The following GHDC variants were observed in gnomAD, a reference collection of about 807,000 sequenced individuals.
GHDC encodes GH3 domain-containing protein.
In GHDC, 39 loss-of-function variants were observed where a neutral mutation model predicts 51.5. The observed-to-expected ratio is 0.76, with a 90% confidence interval of 0.59 to 0.99. The LOEUF is 0.99. GHDC is among the 50% of genes least tolerant of loss of function. The pLI is 0.00. For synonymous variants in GHDC, 282 were observed against 305.2 expected, an observed-to-expected ratio of 0.92 and a Z score of 0.79; for missense variants, 610 against 672.8, an observed-to-expected ratio of 0.91 and a Z score of 1.03.
Position 42,192,357 on chromosome 17 carries a change from T to C in GHDC, c.773A>G (p.Lys258Arg), listed in dbSNP as rs754015568. ...ATCCAGAGTCACCACCACCTGCAGC[T>C]TTGGCCAGAGCCGAAGGGCCAGTCC... ...PRGLALRLWP[K>R]LQVVVTLDAG... Residue 258 changes from lysine (K) to arginine (R), a missense_variant, in exon 5 of 10, where the codon AAG (lysine) becomes AGG (arginine). Lys to Arg is a conservative substitution (Grantham distance 26, BLOSUM62 2). Transcript: ENST00000587427. 1.2e-6 allele frequency: 2 copies of C among 1,613,070 alleles called. No individual in the cohort carries two copies. Among genetic ancestry groups the C allele is most frequent in the Admixed American group, 3.3e-5 (2 of 59,996 alleles).
At position 42,193,909 on chromosome 17, in the gene GHDC, G is replaced by A. The variant is rs182920743; in HGVS notation, c.-97-59C>T. ...TTCAGAAGGTAGGGGTGGGCCGGGTGAGGTGGCTATCATCTGTAATCCCAG... is the reference window on the plus strand; with the variant it reads ...TTCAGAAGGTAGGGGTGGGCCGGGTAAGGTGGCTATCATCTGTAATCCCAG... On this transcript the variant is annotated intron_variant, in intron 1 of 9. Coordinates refer to ENST00000587427, the MANE Select transcript of GHDC (RefSeq NM_032484.5). 7 of 343,438 alleles carry A rather than the reference G, an allele frequency of 2.0e-5. No individual in the cohort carries two copies. The East Asian group carries it at 3.5e-4, about 17-fold the overall frequency. The allele number at this position is 343,438 out of a possible 1,614,324, so 21.3% of individuals were successfully genotyped here. A position where few individuals can be genotyped will look rare whatever the true frequency, so the allele number is the denominator to read the frequency against.
rs1232473003 is a variant in GHDC at position 42,190,410 on chromosome 17, G to A, written c.1289-140C>T. ...TTCTTGGTGGGGAGTGGGGTAAATG[G>A]AGAGGAACCTAGAGCTTGATCCTAA... On this transcript the variant is annotated intron_variant, in intron 8 of 9. Transcript: ENST00000587427. The A allele has an allele frequency of 2.0e-6, 3 of 1,537,358 alleles. No homozygotes were observed. The African/African-American group carries it at 4.1e-5, about 21-fold the overall frequency.
intron 8 of GHDC, 176 bp from the exon 9 acceptor site, chr17:42,190,446 G>A: frequency 1.4e-6 from 2 of 1,453,674 alleles, no homozygotes; most frequent in Non-Finnish European, 1.8e-6. Flanking sequence ...ATAGGAGACA[G>A]ATCAGGAAAG....
rs756933638 is a variant in GHDC at position 42,192,952 on chromosome 17, G to A, written c.341C>T (p.Pro114Leu). Reference protein sequence around the residue: ...QTQQEDSGEQPLPPTSNQDLG... With the variant: ...QTQQEDSGEQLLPPTSNQDLG... ...GTCCTGGTTTGAGGTCGGGGGCAGT[G>A]GCTGCTCTCCACTGTCTTCCTGCTG... Residue 114 changes from proline (P) to leucine (L), a missense_variant, in exon 4 of 10, where the codon CCA (proline) becomes CTA (leucine). Physicochemically the swap from Pro to Leu is moderately conservative, Grantham distance 98 (BLOSUM62 -3). This residue lies in a region of GHDC where 198 missense variants were observed against 262.3 expected (regional missense o/e 0.75). Transcript: ENST00000587427. 1 of 1,614,006 alleles carries A rather than the reference G, an allele frequency of 6.2e-7. No homozygotes were observed.
Position 42,191,096 on chromosome 17 carries a change from G to T in GHDC, c.1004C>A (p.Ala335Asp). 1 of 1,575,402 alleles carries T rather than the reference G, an allele frequency of 6.3e-7. No homozygotes were observed. The highest frequency in any genetic ancestry group is 8.6e-7 in the Non-Finnish European group (1 of 1,163,958). Reference sequence around the variant, plus strand: ...GGCCTCGGCCAAAAGGAGGGTGGAGGCAGCTTCCTCCTGGGTGCCTTCCTT... The same window carrying T: ...GGCCTCGGCCAAAAGGAGGGTGGAGTCAGCTTCCTCCTGGGTGCCTTCCTT... ...PVKEGTQEEAASTLLLAEAQQ... is the reference protein window; with the variant it reads ...PVKEGTQEEADSTLLLAEAQQ... The change falls in exon 6 of 10, where the codon GCC becomes GAC. Residue 335 changes from alanine to aspartate, a missense_variant. Physicochemically the swap from Ala to Asp is moderately radical, Grantham distance 126. Around this residue, in one of 2 missense-constraint regions of GHDC, gnomAD observed 412 missense variants for 410.4 expected, o/e 1.00. Transcript: ENST00000587427.
At chr17:42,192,841 C>T in intron 4 of GHDC, 65 bp downstream of exon 4, 1 of 1,578,302 alleles carries the variant, frequency 6.3e-7, no homozygotes, top group Non-Finnish European at 8.6e-7. Flanking sequence ...GGTTTGGCTG[C>T]AAGTCAGAGG....
rs2079953121 is a variant in GHDC, at chr17:42,189,779, G to C, written c.1517C>G (p.Pro506Arg). 1 of 1,544,126 alleles carries C rather than the reference G, an allele frequency of 6.5e-7. No homozygotes were observed. Among genetic ancestry groups the C allele is most frequent in the Non-Finnish European group, 8.7e-7 (1 of 1,145,012 alleles). Residue 506 changes from proline (P) to arginine (R), a missense_variant, in exon 10 of 10, where the codon CCC becomes CGC. By Grantham distance (103) the Pro-to-Arg change is moderately radical. Around this residue, in one of 2 missense-constraint regions of GHDC, gnomAD observed 412 missense variants for 410.4 expected, o/e 1.00. Transcript: ENST00000587427. ...RAALAACPSSPFPPAMPRVLR... is the reference protein window; with the variant it reads ...RAALAACPSSRFPPAMPRVLR... ...GACCCGGGGCATCGCAGGGGGGAAG[G>C]GGGAGGAGGGGCAGGCAGCGAGGGC...
Position 42,192,604 on chromosome 17 carries a change from T to A in GHDC, c.526A>T (p.Thr176Ser), listed in dbSNP as rs1181145080. ...WPGNTLGQVG[T>S]PGTKDPRALL... ...GCCCTAGGGTCCTTGGTTCCAGGGG[T>A]GCCCACCTGGCCCAGGGTATTCCCA... Residue 176 changes from threonine to serine, a missense_variant, in exon 5 of 10, where the codon ACC (threonine) becomes TCC (serine). Physicochemically the swap from Thr to Ser is moderately conservative, Grantham distance 58. Coordinates refer to ENST00000587427, the MANE Select transcript of GHDC (RefSeq NM_032484.5). 1.9e-6 allele frequency: 3 copies of A among 1,613,328 alleles called. No homozygotes were observed. The highest frequency in any genetic ancestry group is 2.5e-6 in the Non-Finnish European group (3 of 1,179,896).
chr17:42,192,296 C>T lies in GHDC; in HGVS notation c.834G>A (p.Gly278=), dbSNP rs200895910. ...AGGCTAGTCCTTGGCACCACAAGGC[C>T]CCGAGGGCAGCCACAGCCTCGGCCT... The part of the protein sequence containing the change: ...GGQAEAVAAL[G]ALWCQGLAFF... Residue 278 remains glycine, a synonymous_variant, in exon 5 of 10, where the codon GGG becomes GGA. Coordinates refer to ENST00000587427, the MANE Select transcript of GHDC (RefSeq NM_032484.5). 6.2e-7 allele frequency: 1 copy of T among 1,600,578 alleles called. No individual in the cohort carries two copies. The highest frequency in any genetic ancestry group is 2.2e-5 in the East Asian group (1 of 44,774).
rs140891551 is a variant in GHDC, at chr17:42,191,034, G to A, written c.1066C>T (p.Arg356Cys). The stretch of plus-strand genomic sequence containing the variant: ...GCTGATCACCTGGTGAGGCTGGCGC[G>A]GTCCGTCAGCACCAGCTCATACTCC... ...GKEYELVLTD[R>C]ASLTRCRLGD... The change falls in exon 6 of 10, where the codon CGC becomes TGC. Residue 356 changes from arginine (R) to cysteine (C), a missense_variant. This residue lies in a region of GHDC where 412 missense variants were observed against 410.4 expected (regional missense o/e 1.00). Coordinates refer to ENST00000587427, the MANE Select transcript of GHDC (RefSeq NM_032484.5). The A allele has an allele frequency of 1.4e-4, 229 of 1,579,540 alleles. 1 individual carries two copies. In the African/African-American group the frequency reaches 1.9e-3, roughly 13 times the overall value.
chr17:42,192,014 G>T (rs1374600217), intron 5 of GHDC, among the ~76,000 whole-genome samples: 4 of 149,978 alleles, frequency 2.7e-5, no homozygotes, highest in Admixed American at 2.6e-4. Flanking sequence ...CATCCACCTT[G>T]GCCTCCCAAA....
At position 42,190,268 on chromosome 17, in the gene GHDC, A is replaced by G. The variant is rs768623749; in HGVS notation, c.1291T>C (p.Ser431Pro). The change falls in exon 9 of 10, where the codon TCC (serine) becomes CCC (proline). Residue 431 changes from serine to proline, a missense_variant and splice_region_variant. Physicochemically the swap from Ser to Pro is moderately conservative, Grantham distance 74. Coordinates refer to ENST00000587427, the MANE Select transcript of GHDC (RefSeq NM_032484.5). ...HGCVESSILD[S>P]SAGSAPHYEV... The stretch of plus-strand genomic sequence containing the variant: ...TAGTGGGGAGCAGAGCCCGCAGAGG[A>G]ATCTGTGAATAGACCCCATGTGCAC... 1.2e-6 allele frequency: 2 copies of G among 1,614,136 alleles called. No individual in the cohort carries two copies.
chr17:42,193,242 T>A (rs906409239), intron 3 of GHDC, 75 bp downstream of exon 3: 66 of 1,521,002 alleles, frequency 4.3e-5, no homozygotes, highest in Non-Finnish European at 5.6e-5. Context: ...AAGGGGGCCA[T>A]CAGGCTCTGG....
rs763532097 is a variant in GHDC at position 42,192,370 on chromosome 17, G to A, written c.760C>T (p.Arg254Trp). ...LEQGPRGLALRLWPKLQVVVT... is the reference protein window; with the variant it reads ...LEQGPRGLALWLWPKLQVVVT... ...ACCACCTGCAGCTTTGGCCAGAGCCGAAGGGCCAGTCCCCGTGGCCCCTGC... is the reference window on the plus strand; with the variant it reads ...ACCACCTGCAGCTTTGGCCAGAGCCAAAGGGCCAGTCCCCGTGGCCCCTGC... Residue 254 changes from arginine (R) to tryptophan (W), a missense_variant, in exon 5 of 10, where the codon CGG (arginine) becomes TGG (tryptophan). Physicochemically the swap from Arg to Trp is moderately radical, Grantham distance 101. Coordinates refer to ENST00000587427, the MANE Select transcript of GHDC (RefSeq NM_032484.5). 1.4e-4 allele frequency: 229 copies of A among 1,612,768 alleles called. No individual in the cohort carries two copies. The highest frequency in any genetic ancestry group is 1.7e-4 in the Non-Finnish European group (204 of 1,179,836).
chr17:42,192,946 G>A lies in GHDC; in HGVS notation c.347C>T (p.Pro116Leu). 6.2e-7 allele frequency: 1 copy of A among 1,614,090 alleles called. No individual in the cohort carries two copies. The highest frequency in any genetic ancestry group is 1.3e-5 in the African/African-American group (1 of 75,000). ...CCCAAGGTCCTGGTTTGAGGTCGGG[G>A]GCAGTGGCTGCTCTCCACTGTCTTC... Reference protein sequence around the residue: ...QQEDSGEQPLPPTSNQDLGEA... With the variant: ...QQEDSGEQPLLPTSNQDLGEA... Residue 116 changes from proline to leucine, a missense_variant, in exon 4 of 10, where the codon CCC becomes CTC. Physicochemically the swap from Pro to Leu is moderately conservative, Grantham distance 98. Transcript: ENST00000587427.
chr17:42,190,299 C>T, intron 8 of GHDC, 29 bp from the exon 9 acceptor site: 5 of 1,614,202 alleles, frequency 3.1e-6, no homozygotes, highest in Non-Finnish European at 4.2e-6. Flanking sequence ...TGCACACATA[C>T]TTCCGGTGAA....
In GHDC at chr17:42,192,433, G is replaced by A; in HGVS notation, c.697C>T (p.Leu233Phe). Residue 233 changes from leucine to phenylalanine, a missense_variant, in exon 5 of 10, where the codon CTC becomes TTC. Leu to Phe is a conservative substitution (Grantham distance 22). Coordinates refer to ENST00000587427, the MANE Select transcript of GHDC (RefSeq NM_032484.5). Reference protein sequence around the residue: ...AIAAGNPGAPLRERAAELREA... With the variant: ...AIAAGNPGAPFRERAAELREA... Reference sequence around the variant, plus strand: ...CGGAGCTCAGCTGCCCGTTCACGGAGAGGCGCTCCAGGGTTCCCGGCAGCT... The same window carrying A: ...CGGAGCTCAGCTGCCCGTTCACGGAAAGGCGCTCCAGGGTTCCCGGCAGCT... 2.5e-6 allele frequency: 4 copies of A among 1,613,416 alleles called. No individual in the cohort carries two copies. Among genetic ancestry groups the A allele is most frequent in the Non-Finnish European group, 3.4e-6 (4 of 1,180,028 alleles).
chr17:42,192,464 C>T lies in GHDC; in HGVS notation c.666G>A (p.Gly222=). Reference sequence around the variant, plus strand: ...CTCCAGGGTTCCCGGCAGCTATCGCCCCAGCTAGCTCTTCACCATCAGTCT... The same window carrying T: ...CTCCAGGGTTCCCGGCAGCTATCGCTCCAGCTAGCTCTTCACCATCAGTCT... ...GLETDGEELA[G]AIAAGNPGAP... is the part of the protein sequence containing the mutation. The change falls in exon 5 of 10, where the codon GGG becomes GGA. Residue 222 remains glycine (G), a synonymous_variant. Transcript: ENST00000587427. 1.2e-6 allele frequency: 2 copies of T among 1,613,734 alleles called. No individual in the cohort carries two copies. The highest frequency in any genetic ancestry group is 1.7e-6 in the Non-Finnish European group (2 of 1,180,032).
chr17:42,190,296 A>ATACTTCCGGTGAATGGGC, intron 8 of GHDC, 26 bp from the exon 9 acceptor site: 1 of 1,614,170 alleles, frequency 6.2e-7, no homozygotes, highest in Non-Finnish European at 8.5e-7. Context: ...ATGTGCACAC[A>ATACTTCCGGTGAATGGGC]TACTTCCGGT....
Sources: gnomAD v4.1 joint callset for allele counts (sites outside exome capture counted in the v4.1 genomes callset) on GRCh38, gnomAD v4.1.1 for gene constraint, gnomAD v4.1.1 regional missense constraint, MANE v1.5 for transcripts, NCBI Gene and HGNC (gene_info 2026-07-23, HGNC 2026-07-21) for gene names.